The following CNTLN variants were observed in gnomAD, a reference collection of about 807,000 sequenced individuals.
CNTLN encodes the protein centlein, centrosomal protein.
A neutral mutation model predicts 180.0 loss-of-function variants in CNTLN; 212 were observed. That is an observed-to-expected ratio of 1.18 (90% CI 1.05 to 1.32). CNTLN has a LOEUF of 1.32. CNTLN is among the 40% of genes most tolerant of loss of function. The probability of loss-of-function intolerance (pLI) is 0.00; values close to 1 mark genes in which losing one functional copy is unlikely to be tolerated. For missense variants in CNTLN, 2,095 were observed against 1,610.9 expected (o/e 1.30, Z -5.14); for synonymous variants, 722 against 563.1 (o/e 1.28, Z -3.99).
chr9:17,214,872 C>T (rs920283865), intron 2 of CNTLN, among the ~76,000 whole-genome samples: 6 of 152,184 alleles, frequency 3.9e-5, no homozygotes, highest in Non-Finnish European at 5.9e-5. Flanking sequence ...GCATTCATTA[C>T]GTAGTCCTCG....
At chr9:17,387,777 G>T (rs993476437) in intron 13 of CNTLN, among the ~76,000 whole-genome samples, 1 of 151,954 alleles carries the variant, frequency 6.6e-6, no homozygotes, top group African/African-American at 2.4e-5. Context: ...GATCCTCCTG[G>T]CAGGGAACAA....
chr9:17,393,593 T>A (rs547986616), intron 14 of CNTLN, among the ~76,000 whole-genome samples: 3 of 152,318 alleles, frequency 2.0e-5, no homozygotes, highest in Non-Finnish European at 4.4e-5. Context: ...GAACCTCTCT[T>A]TCCTGTCTGG....
the CNTLN span, among the ~76,000 whole-genome samples, chr9:17,509,027 TA>T: frequency 3.5e-3 from 528 of 152,324 alleles, 2 homozygotes; most frequent in Non-Finnish European, 6.2e-3. Context: ...ATTGATAGGA[TA>T]GGATAACCTG....
At chr9:17,478,770 C>A (rs193102331) in intron 23 of CNTLN, among the ~76,000 whole-genome samples, 1 of 152,200 alleles carries the variant, frequency 6.6e-6, no homozygotes, top group East Asian at 1.9e-4. Context: ...TTATATATCA[C>A]CCTGTCGACT....
rs560192927 is a variant in CNTLN, at chr9:17,303,292, C to G, written c.1146+4940C>G. Among the ~76,000 whole-genome samples the G allele has an allele frequency of 5.3e-5, 8 of 152,334 alleles. No individual in the cohort carries two copies. The South Asian group carries it at 1.7e-3, about 32-fold the overall frequency. On this transcript the variant is annotated intron_variant, in intron 7 of 25. Coordinates refer to ENST00000380647, the MANE Select transcript of CNTLN (RefSeq NM_017738.4). Reference sequence around the variant, plus strand: ...ATTCTACAAACTTGCATTATCCATTCTCATCCAAATTTTTTCAACACTTAA... The same window carrying G: ...ATTCTACAAACTTGCATTATCCATTGTCATCCAAATTTTTTCAACACTTAA...
At chr9:17,295,989 AGAGAGAGAGTGTGT>A (rs760157142) in intron 6 of CNTLN, among the ~76,000 whole-genome samples, 20 of 83,474 alleles carry the variant, frequency 2.4e-4, no homozygotes, top group African/African-American at 8.9e-4. Flanking sequence ...AGAGAGAGAG[AGAGAGAGAGTGTGT>A]GTGTGTGTGT....
At chr9:17,351,335 A>T (rs922617596) in intron 12 of CNTLN, among the ~76,000 whole-genome samples, 4 of 152,180 alleles carry the variant, frequency 2.6e-5, no homozygotes, top group Non-Finnish European at 5.9e-5. Flanking sequence ...TGACTTTCAG[A>T]CCTGTATATC....
At chr9:17,523,324 C>T in the CNTLN span, among the ~76,000 whole-genome samples, 54 of 152,224 alleles carry the variant, frequency 3.5e-4, no homozygotes, top group African/African-American at 1.2e-3. Flanking sequence ...GCAACCTCCG[C>T]GTCCTGGTTC....
At chr9:17,442,507 T>C (rs544378590) in intron 18 of CNTLN, among the ~76,000 whole-genome samples, 1 of 152,288 alleles carries the variant, frequency 6.6e-6, no homozygotes, top group African/African-American at 2.4e-5. Flanking sequence ...CAAGTGATTC[T>C]CCTGCCTCAG....
At chr9:17,456,645 T>TC (rs890653104) in intron 18 of CNTLN, among the ~76,000 whole-genome samples, 7 of 152,078 alleles carry the variant, frequency 4.6e-5, no homozygotes, top group African/African-American at 1.7e-4. Context: ...GAAAGATTTT[T>TC]CCCCCTCTGA....
Position 17,466,936 on chromosome 9 carries a change from A to G in CNTLN, c.3855+45A>G, listed in dbSNP as rs375279821. 3.2e-5 allele frequency: 45 copies of G among 1,406,672 alleles called. No individual in the cohort carries two copies. In the African/African-American group the frequency reaches 6.2e-4, roughly 19 times the overall value. The allele number at this position is 1,406,672 out of a possible 1,614,324, so 87.1% of individuals were successfully genotyped here. On this transcript the variant is annotated intron_variant, in intron 23 of 25. Coordinates refer to ENST00000380647, the MANE Select transcript of CNTLN (RefSeq NM_017738.4). Reference sequence around the variant, plus strand: ...TACTAACTTGTACTTTACTTTAGGCAGATAGGCAGTAGCCTACTTGAGATG... The same window carrying G: ...TACTAACTTGTACTTTACTTTAGGCGGATAGGCAGTAGCCTACTTGAGATG...
intron 15 of CNTLN, among the ~76,000 whole-genome samples, chr9:17,405,402 C>T (rs1218547360): frequency 6.6e-6 from 1 of 151,678 alleles, no homozygotes; most frequent in African/African-American, 2.4e-5. Context: ...TGGGAAGTCC[C>T]AGGTTGAGAG....
chr9:17,275,899 C>A (rs1345505188), intron 6 of CNTLN, among the ~76,000 whole-genome samples: 1 of 152,086 alleles, frequency 6.6e-6, no homozygotes, highest in African/African-American at 2.4e-5. Context: ...CCAAATACTT[C>A]ATGTTCTCAC....
chr9:17,326,528 T>C (rs1820302275), intron 8 of CNTLN, among the ~76,000 whole-genome samples: 1 of 152,126 alleles, frequency 6.6e-6, no homozygotes, highest in Admixed American at 6.5e-5. Context: ...TACTTATACA[T>C]ATAATAGTTA....
intron 18 of CNTLN, among the ~76,000 whole-genome samples, chr9:17,445,851 A>G (rs908052802): frequency 1.3e-5 from 2 of 152,204 alleles, no homozygotes; most frequent in Non-Finnish European, 2.9e-5. Context: ...AGAGGAAGGC[A>G]TCTGTCTCCT....
At position 17,314,769 on chromosome 9, in the gene CNTLN, G is replaced by T. The variant is rs190576364; in HGVS notation, c.1341+5517G>T. ...TTCTGCCTACATTTGATCATTCTCT[G>T]TTACCTTCAGGTAGTTGTTTATAAT... On this transcript the variant is annotated intron_variant, in intron 8 of 25. Transcript: ENST00000380647. Among the ~76,000 whole-genome samples, 9 of 152,220 alleles carry T rather than the reference G, an allele frequency of 5.9e-5. No individual in the cohort carries two copies. The East Asian group carries it at 1.5e-3, about 26-fold the overall frequency.
intron 12 of CNTLN, among the ~76,000 whole-genome samples, chr9:17,361,561 C>A (rs927087060): frequency 2.4e-4 from 37 of 152,204 alleles, no homozygotes; most frequent in African/African-American, 8.7e-4. Context: ...GCCACATACT[C>A]AAAGGAATTC....
intron 21 of CNTLN, among the ~76,000 whole-genome samples, chr9:17,465,468 A>C (rs185070470): frequency 3.3e-5 from 5 of 150,598 alleles, no homozygotes; most frequent in Admixed American, 2.7e-4. Context: ...ATATATCTTT[A>C]GTGGCATTAA....
chr9:17,291,223 G>T (rs566322503), intron 6 of CNTLN, among the ~76,000 whole-genome samples: 2 of 152,144 alleles, frequency 1.3e-5, no homozygotes, highest in Non-Finnish European at 2.9e-5. Flanking sequence ...TCCCAAGTAC[G>T]TGACTGATTT....
Sources: gnomAD v4.1 joint callset for allele counts (sites outside exome capture counted in the v4.1 genomes callset) on GRCh38, gnomAD v4.1.1 for gene constraint, MANE v1.5 for transcripts, NCBI Gene and HGNC (gene_info 2026-07-23, HGNC 2026-07-21) for gene names.